XRCC5: variants seen among roughly 807,000 people sequenced by gnomAD.
XRCC5 encodes the protein X-ray repair cross complementing 5.
A neutral mutation model predicts 95.7 loss-of-function variants in XRCC5; 12 were observed. The ratio of observed to expected loss-of-function variants is 0.13; its 90% CI spans 0.08 to 0.20. The LOEUF (loss-of-function observed/expected upper bound fraction) is 0.20, where lower values mean the gene tolerates loss of function less well. Among genes scored for constraint, XRCC5 ranks in the 10% least tolerant of loss-of-function variants. The pLI, the probability that XRCC5 is intolerant of heterozygous loss-of-function variation, is 1.00. For synonymous variants in XRCC5, 281 were observed against 290.3 expected (o/e 0.97, Z 0.33); for missense variants, 595 against 873.9 (o/e 0.68, Z 4.02).
chr2:216,175,315 A>G (rs1481652079), intron 16 of XRCC5: 10 of 456,392 alleles, frequency 2.2e-5, no homozygotes, highest in Non-Finnish European at 3.8e-5. Flanking sequence ...CTCTTCCACC[A>G]AAGTTTCCAC....
At chr2:216,159,482 A>G (rs971826911) in intron 14 of XRCC5, among the ~76,000 whole-genome samples, 3 of 152,176 alleles carry the variant, frequency 2.0e-5, no homozygotes, top group African/African-American at 7.2e-5. Flanking sequence ...CAAATTAAAA[A>G]GTTTTCGGGG....
chr2:216,156,279 A>T (rs915168097), intron 14 of XRCC5: 92 of 544,966 alleles, frequency 1.7e-4, no homozygotes, highest in Non-Finnish European at 2.9e-4. Flanking sequence ...AGCATGACCA[A>T]GCAAAGCAGG....
chr2:216,152,705 TGG>T (rs1360951442), intron 14 of XRCC5, among the ~76,000 whole-genome samples: 3 of 151,666 alleles, frequency 2.0e-5, no homozygotes, highest in Non-Finnish European at 4.4e-5. Context: ...TCACCCAGGC[TGG>T]AGTGCAGTGG....
chr2:216,157,818 G>C (rs1688875410), intron 14 of XRCC5, among the ~76,000 whole-genome samples: 1 of 152,186 alleles, frequency 6.6e-6, no homozygotes, highest in South Asian at 2.1e-4. Context: ...ACCAACTGCT[G>C]ACATTTATAT....
chr2:216,161,453 C>T (rs1017021180), intron 15 of XRCC5, among the ~76,000 whole-genome samples: 2 of 152,198 alleles, frequency 1.3e-5, no homozygotes, highest in African/African-American at 4.8e-5. Context: ...CTTTTACTTT[C>T]TGAGGACATG....
At chr2:216,116,256 A>G (rs773659609) in intron 2 of XRCC5, among the ~76,000 whole-genome samples, 19 of 152,136 alleles carry the variant, frequency 1.2e-4, no homozygotes, top group African/African-American at 2.4e-5. Context: ...TTGCTGGGAT[A>G]TAGGCTATCC....
intron 14 of XRCC5, among the ~76,000 whole-genome samples, chr2:216,152,438 T>TAA (rs5838570): frequency 6.8e-6 from 1 of 147,676 alleles, no homozygotes; most frequent in African/African-American, 2.5e-5. Flanking sequence ...GAGACTGTCT[T>TAA]AAAAAAAAAA....
intron 17 of XRCC5, among the ~76,000 whole-genome samples, 196 bp from the exon 18 acceptor site, chr2:216,192,443 C>G (rs1689631064): frequency 6.6e-6 from 1 of 152,170 alleles, no homozygotes; most frequent in African/African-American, 2.4e-5. Context: ...CTGTGCCTTC[C>G]ACAGATGGAA....
At chr2:216,161,327 G>T (rs1003165352) in intron 15 of XRCC5, among the ~76,000 whole-genome samples, 1 of 152,128 alleles carries the variant, frequency 6.6e-6, no homozygotes, top group Admixed American at 6.5e-5. Context: ...GCCCTGTGAG[G>T]GTTGGGGCCA....
chr2:216,128,797 G>A (rs41299794), intron 8 of XRCC5, among the ~76,000 whole-genome samples: 8,135 of 152,212 alleles, frequency 0.053, 249 homozygotes, highest in African/African-American at 0.086. Flanking sequence ...AATCATCAGC[G>A]ACCATCTTAT....
intron 8 of XRCC5, 89 bp downstream of exon 8, chr2:216,127,763 TA>T: frequency 7.3e-7 from 1 of 1,362,866 alleles, no homozygotes; most frequent in Non-Finnish European, 9.9e-7. Context: ...ATTCTTTGTT[TA>T]AAGTTATTTC....
intron 16 of XRCC5, among the ~76,000 whole-genome samples, chr2:216,163,487 G>C (rs115207954): frequency 6.6e-6 from 1 of 151,736 alleles, no homozygotes; most frequent in Non-Finnish European, 1.5e-5. Flanking sequence ...ACGGGGTTTC[G>C]TTATGTTGGC....
intron 16 of XRCC5, among the ~76,000 whole-genome samples, chr2:216,184,671 G>A (rs1689459747): frequency 6.6e-6 from 1 of 152,132 alleles, no homozygotes; most frequent in Admixed American, 6.5e-5. Context: ...TTAGTAGACG[G>A]GGTTTCGCCA....
intron 9 of XRCC5, 183 bp downstream of exon 9, chr2:216,131,170 G>A (rs899551241): frequency 7.1e-6 from 7 of 985,298 alleles, no homozygotes; most frequent in Non-Finnish European, 8.4e-6. Flanking sequence ...GTTCAGAGCC[G>A]TTAAGTAAAT....
At chr2:216,129,514 T>G (rs1354279795) in intron 8 of XRCC5, among the ~76,000 whole-genome samples, 1 of 152,230 alleles carries the variant, frequency 6.6e-6, no homozygotes, top group South Asian at 2.1e-4. Context: ...AGTTACACAA[T>G]TCACACGATT....
At chr2:216,137,249 AT>A (rs541852653) in intron 11 of XRCC5, 24 bp downstream of exon 11, 12 of 1,595,156 alleles carry the variant, frequency 7.5e-6, no homozygotes, top group African/African-American at 5.4e-5. Context: ...TCTTAATGTT[AT>A]TTTTTTTCTT....
In XRCC5 at chr2:216,170,037, CAAAAAAAAAAAAAAAAAAAAAA is replaced by C. The variant is rs71047982; in HGVS notation, c.1834+8001_1834+8022del. On this transcript the variant is annotated intron_variant, in intron 16 of 20. Transcript: ENST00000392132. ...CTGGCGACAGAGCAAGACTGTGTCT[CAAAAAAAAAAAAAAAAAAAAAA>C]AAAAAAAAAAAGATGCACTTGACCC... 4.1e-4 allele frequency among the ~76,000 whole-genome samples: 22 copies of C among 53,652 alleles called. No individual in the cohort carries two copies. In the South Asian group the frequency reaches 7.2e-3, roughly 18 times the overall value. 35.2% of individuals were successfully genotyped at this position (53,652 alleles called of 152,430 possible). A position where few individuals can be genotyped will look rare whatever the true frequency, so the allele number is the denominator to read the frequency against.
intron 5 of XRCC5, 45 bp downstream of exon 5, chr2:216,119,210 C>G: frequency 2.5e-6 from 4 of 1,608,514 alleles, no homozygotes; most frequent in Non-Finnish European, 2.6e-6. Flanking sequence ...CTATGATTTC[C>G]TAATATAGTG....
At chr2:216,124,109 G>A (rs1298068290) in intron 6 of XRCC5, among the ~76,000 whole-genome samples, 1 of 152,198 alleles carries the variant, frequency 6.6e-6, no homozygotes, top group Non-Finnish European at 1.5e-5. Context: ...GGGCTAGCAT[G>A]GTTAGAAATA....
Sources: allele counts gnomAD v4.1 joint callset (sites outside exome capture counted in the v4.1 genomes callset), GRCh38; gene constraint gnomAD v4.1.1; transcripts MANE v1.5; gene names NCBI Gene and HGNC (gene_info 2026-07-23, HGNC 2026-07-21).